CA10: variants seen among roughly 807,000 people sequenced by gnomAD.
CA10 encodes the protein carbonic anhydrase-related protein 10.
CA10 carries 14 observed loss-of-function variants against 44.2 expected under a neutral mutation model. The observed-to-expected ratio is 0.32, with a 90% CI of 0.21 to 0.50. The LOEUF (loss-of-function observed/expected upper bound fraction) is 0.50, where lower values mean the gene tolerates loss of function less well. Among genes scored for constraint, CA10 ranks in the 20% least tolerant of loss-of-function variants. CA10 has a pLI of 0.99. For synonymous variants in CA10, 159 were observed against 141.6 expected (o/e 1.12, Z -0.87); for missense variants, 350 against 409.7 (o/e 0.85, Z 1.26).
chr17:51,796,318 C>T (rs1438255443), intron 3 of CA10, among the ~76,000 whole-genome samples: 2 of 152,024 alleles, frequency 1.3e-5, no homozygotes, highest in African/African-American at 4.8e-5. Flanking sequence ...AGATCACCTG[C>T]CCTATCATAG....
At chr17:52,099,685 G>C (rs1047901531) in intron 1 of CA10, among the ~76,000 whole-genome samples, 1 of 152,158 alleles carries the variant, frequency 6.6e-6, no homozygotes, top group African/African-American at 2.4e-5. Flanking sequence ...CAAAAGACCT[G>C]GCATATTCAG....
At chr17:52,088,995 A>G (rs187047365) in intron 1 of CA10, among the ~76,000 whole-genome samples, 132 of 152,344 alleles carry the variant, frequency 8.7e-4, no homozygotes, top group Non-Finnish European at 1.8e-3. Context: ...CTTTGTTTAG[A>G]AAGTAAGCAA....
intron 3 of CA10, chr17:51,763,228 A>G (rs1905264633): frequency 6.6e-6 from 1 of 152,246 alleles, no homozygotes; most frequent in South Asian, 2.1e-4. Flanking sequence ...TGGTTACATC[A>G]GCCAGTTTGC....
At chr17:52,121,689 CA>C (rs1989019656) in intron 1 of CA10, among the ~76,000 whole-genome samples, 1 of 152,128 alleles carries the variant, frequency 6.6e-6, no homozygotes, top group East Asian at 1.9e-4. Context: ...TACACACACA[CA>C]CACACACACA....
intron 2 of CA10, among the ~76,000 whole-genome samples, chr17:52,014,047 A>T (rs2109455): frequency 0.99 from 150,105 of 151,990 alleles, 74,151 homozygotes; most frequent in East Asian, 1. Flanking sequence ...TGGTGGAAGT[A>T]TGACCAAATA....
At position 51,633,659 on chromosome 17, in the gene CA10, A is replaced by G; in HGVS notation, c.790-9T>C. 1 of 1,610,036 alleles carries G rather than the reference A, an allele frequency of 6.2e-7. No individual in the cohort carries two copies. The highest frequency in any genetic ancestry group is 8.5e-7 in the Non-Finnish European group (1 of 1,177,818). ...AGGCGCAAGGAATGCATCTGAGGAG[A>G]GAGAAGTGGCCGTGAGATCCAACCA... is the stretch of plus-strand genomic sequence containing the variant. On this transcript the variant is annotated splice_polypyrimidine_tract_variant and intron_variant, in intron 7 of 8. Coordinates refer to ENST00000451037, the MANE Select transcript of CA10 (RefSeq NM_020178.5).
At chr17:52,040,155 T>C (rs957874020) in intron 2 of CA10, among the ~76,000 whole-genome samples, 2 of 150,756 alleles carry the variant, frequency 1.3e-5, no homozygotes, top group African/African-American at 4.9e-5. Flanking sequence ...CTTTTTTTTT[T>C]TTTTGGAGTC....
intron 3 of CA10, among the ~76,000 whole-genome samples, chr17:51,749,324 G>A (rs1208529174): frequency 6.6e-6 from 1 of 152,232 alleles, no homozygotes; most frequent in Non-Finnish European, 1.5e-5. Context: ...CACACAACAT[G>A]CTAGTCCTGA....
chr17:51,851,703 G>A (rs1189481594), intron 3 of CA10, among the ~76,000 whole-genome samples: 1 of 152,066 alleles, frequency 6.6e-6, no homozygotes, highest in African/African-American at 2.4e-5. Flanking sequence ...GTCTAGTGAT[G>A]GGCAAATACA....
chr17:51,704,965 TAA>T (rs768498016), intron 4 of CA10, among the ~76,000 whole-genome samples: 8 of 129,264 alleles, frequency 6.2e-5, no homozygotes, highest in Admixed American at 8.0e-5. Context: ...CGACTCTGTC[TAA>T]AAAAAAAAAA....
chr17:51,694,206 GAA>G (rs202082196), intron 4 of CA10, among the ~76,000 whole-genome samples: 7 of 137,936 alleles, frequency 5.1e-5, no homozygotes, highest in Non-Finnish European at 3.2e-5. Flanking sequence ...CTCCGTCTCG[GAA>G]AAAAAAAAAA....
chr17:51,995,028 T>C (rs1201180596), intron 2 of CA10, among the ~76,000 whole-genome samples: 3 of 152,018 alleles, frequency 2.0e-5, no homozygotes, highest in African/African-American at 7.2e-5. Context: ...TTCTTTCCTA[T>C]AGTTTACTAC....
At chr17:52,151,597 C>T (rs567160537) in intron 1 of CA10, among the ~76,000 whole-genome samples, 29 of 152,034 alleles carry the variant, frequency 1.9e-4, no homozygotes, top group Non-Finnish European at 2.4e-4. Context: ...AGTTTGCTGT[C>T]GATACGTCTT....
rs568854088 is a variant in CA10, at chr17:51,736,196, T to C, written c.465+11437A>G. Among the ~76,000 whole-genome samples, 30 of 152,278 alleles carry C rather than the reference T, an allele frequency of 2.0e-4. No individual in the cohort carries two copies. In the South Asian group the frequency reaches 6.0e-3, roughly 31 times the overall value. On this transcript the variant is annotated intron_variant, in intron 4 of 8. Transcript: ENST00000451037. The stretch of plus-strand genomic sequence containing the variant: ...ATAAATTGCCTAGGGTCACAGCTGA[T>C]AGAGCCAGGATTCAAACACAGGAAT...
chr17:51,961,711 T>C (rs2144051984), intron 2 of CA10, among the ~76,000 whole-genome samples: 1 of 152,300 alleles, frequency 6.6e-6, no homozygotes, highest in South Asian at 2.1e-4. Context: ...ATTAAATGAA[T>C]CATTTTATTG....
intron 4 of CA10, among the ~76,000 whole-genome samples, chr17:51,747,340 TGG>T (rs2143604913): frequency 6.6e-6 from 1 of 152,304 alleles, no homozygotes; most frequent in Admixed American, 6.5e-5. Context: ...GGTGAGGATT[TGG>T]GGTTGAAATA....
intron 3 of CA10, among the ~76,000 whole-genome samples, chr17:51,833,055 GC>G (rs1908341174): frequency 6.6e-6 from 1 of 152,164 alleles, no homozygotes; most frequent in Non-Finnish European, 1.5e-5. Flanking sequence ...GGATGGAGAG[GC>G]CCTTCCAGCT....
At chr17:52,101,358 AGATTACTT>A (rs1988535182) in intron 1 of CA10, among the ~76,000 whole-genome samples, 1 of 152,230 alleles carries the variant, frequency 6.6e-6, no homozygotes, top group Admixed American at 6.5e-5. Context: ...TTGTATGAAA[AGATTACTT>A]GAGGCAAATG....
chr17:51,988,086 G>A (rs950643595), intron 2 of CA10, among the ~76,000 whole-genome samples: 2 of 152,118 alleles, frequency 1.3e-5, no homozygotes, highest in South Asian at 2.1e-4. Context: ...AGGGAAATGA[G>A]GGAAGAATTG....
Sources: allele counts gnomAD v4.1 joint callset (sites outside exome capture counted in the v4.1 genomes callset), GRCh38; gene constraint gnomAD v4.1.1; transcripts MANE v1.5; gene names NCBI Gene and HGNC (gene_info 2026-07-23, HGNC 2026-07-21).